The following ZNF571 variants were observed in gnomAD, a reference collection of about 807,000 sequenced individuals.
ZNF571 encodes the protein zinc finger protein 571.
A neutral mutation model predicts 7.7 loss-of-function variants in ZNF571; 4 were observed. The ratio of observed to expected loss-of-function variants is 0.52; its 90% CI spans 0.25 to 1.18. ZNF571 has a LOEUF of 1.18. ZNF571 is among the 50% of genes most tolerant of loss of function. The probability of loss-of-function intolerance (pLI) is 0.14; values close to 1 mark genes in which losing one functional copy is unlikely to be tolerated. For missense variants in ZNF571, 704 were observed against 726.9 expected, an observed-to-expected ratio of 0.97 and a Z score of 0.36; for synonymous variants, 251 against 232.4, an observed-to-expected ratio of 1.08 and a Z score of -0.73.
At position 37,565,905 on chromosome 19, in the gene ZNF571, T is replaced by TA; in HGVS notation, c.522dup (p.Thr175TyrfsTer3). The stretch of plus-strand genomic sequence containing the variant: ...ATATAGCTTGGCTTTTTGCTAAAGG[T>TA]ATTCCTGTGTTTCTTAACTTCAGAG... On this transcript the variant is annotated frameshift_variant, in exon 4 of 4. Transcript: ENST00000451802. LOFTEE classifies it low-confidence loss of function (END_TRUNC). 6 of 1,613,894 alleles carry TA rather than the reference T, an allele frequency of 3.7e-6. No individual in the cohort carries two copies. Among genetic ancestry groups the TA allele is most frequent in the Non-Finnish European group, 5.1e-6 (6 of 1,179,904 alleles).
rs116208546 is a variant in ZNF571, at chr19:37,564,828, G to A, written c.1600C>T (p.Gln534Ter). The change falls in exon 4 of 4, where the codon CAG (glutamine) becomes TAG (stop). Residue 534 changes from glutamine (Q) to a stop codon, truncating the protein, a stop_gained. Coordinates refer to ENST00000451802, the MANE Select transcript of ZNF571 (RefSeq NM_016536.5). LOFTEE classifies it low-confidence loss of function (END_TRUNC). ...CCACGAATAAAAGCCTTCCCACACTGTTTACATTCATAAGGTTTTTCACCT... is the reference window on the plus strand; with the variant it reads ...CCACGAATAAAAGCCTTCCCACACTATTTACATTCATAAGGTTTTTCACCT... ...HRGEKPYECK[Q>*]CGKAFIRGSH... The A allele has an allele frequency of 4.6e-3, 7,496 of 1,613,692 alleles. 68 individuals are homozygous for A. Among genetic ancestry groups the A allele is most frequent in the Non-Finnish European group, 3.6e-3 (4,295 of 1,179,848 alleles).
In ZNF571 at chr19:37,569,016, G is replaced by C. The variant is rs145593505; in HGVS notation, c.137-2725C>G. Among the ~76,000 whole-genome samples the C allele has an allele frequency of 2.7e-3, 407 of 151,612 alleles. No homozygotes were observed. Among genetic ancestry groups the C allele is most frequent in the African/African-American group, 9.6e-3 (396 of 41,284 alleles). On this transcript the variant is annotated intron_variant, in intron 3 of 3. Transcript: ENST00000451802. This position sits in a 1 kb window ranked among gnomAD's most constrained non-coding sequence, Gnocchi z 4.4. ...CTGTCATCCAGGCTGGAGTGCAGTCGTGCCATCTCAGCTCACTGCAACCTC... is the reference window on the plus strand; with the variant it reads ...CTGTCATCCAGGCTGGAGTGCAGTCCTGCCATCTCAGCTCACTGCAACCTC...
At chr19:37,573,668 C>A (rs1406292484) in intron 3 of ZNF571, among the ~76,000 whole-genome samples, 1,530 of 86,864 alleles carry the variant, frequency 0.018, no homozygotes, top group African/African-American at 0.022. Flanking sequence ...CTTGTGTCTA[C>A]AAAAAAAAAA....
At chr19:37,567,730 C>CT (rs1246646558) in intron 3 of ZNF571, 1 of 152,150 alleles carries the variant, frequency 6.6e-6, no homozygotes, top group East Asian at 1.9e-4. Context: ...TCCTGGATCA[C>CT]TTTAATTAGG....
chr19:37,568,300 TAAAAAC>T (rs771625063), intron 3 of ZNF571, among the ~76,000 whole-genome samples: 3 of 143,802 alleles, frequency 2.1e-5, no homozygotes, highest in Non-Finnish European at 3.0e-5. Context: ...AAAGAAATGA[TAAAAAC>T]AAAAGCAACT....
chr19:37,592,121 G>A (rs1270332568), intron 1 of ZNF571, among the ~76,000 whole-genome samples: 2 of 152,008 alleles, frequency 1.3e-5, no homozygotes, highest in Non-Finnish European at 2.9e-5. Context: ...AGCCAGGTGT[G>A]GTGGCACATG....
intron 3 of ZNF571, among the ~76,000 whole-genome samples, chr19:37,580,150 C>T (rs559070437): frequency 3.9e-5 from 6 of 152,270 alleles, no homozygotes; most frequent in African/African-American, 1.4e-4. Flanking sequence ...GACTAGCAAC[C>T]CTACATGGAG....
At chr19:37,591,698 C>T (rs2043872889) in intron 1 of ZNF571, among the ~76,000 whole-genome samples, 1 of 152,172 alleles carries the variant, frequency 6.6e-6, no homozygotes, top group South Asian at 2.1e-4. Flanking sequence ...GAATGTGCCA[C>T]CATGCCCAGC....
intron 2 of ZNF571, 151 bp downstream of exon 2, chr19:37,586,517 C>G (rs1281500838): frequency 1.3e-6 from 1 of 778,978 alleles, no homozygotes; most frequent in East Asian, 2.5e-5. Flanking sequence ...AAGAATTGGG[C>G]TCTTTGCTAC....
In ZNF571 at chr19:37,564,528, A is replaced by T. The variant is rs1452705058; in HGVS notation, c.*70T>A. The T allele has an allele frequency of 2.2e-6, 3 of 1,365,042 alleles. No individual in the cohort carries two copies. The highest frequency in any genetic ancestry group is 1.9e-6 in the Non-Finnish European group (2 of 1,037,008). The allele number at this position is 1,365,042 out of a possible 1,614,324, so 84.6% of individuals were successfully genotyped here. ...TGAGCAGATTCTGAGCAGAAGCAAG[A>T]TGTTCTACATTCATTATAGATATGA... On this transcript the variant is annotated 3_prime_UTR_variant, in exon 4 of 4. Coordinates refer to ENST00000451802, the MANE Select transcript of ZNF571 (RefSeq NM_016536.5).
At chr19:37,590,411 C>T (rs1211766669) in intron 1 of ZNF571, among the ~76,000 whole-genome samples, 3 of 146,330 alleles carry the variant, frequency 2.1e-5, no homozygotes, top group African/African-American at 4.9e-5. Flanking sequence ...AGTGAGGCTC[C>T]GTTTCAAAAA....
chr19:37,573,849 A>G (rs1429628660), intron 3 of ZNF571, among the ~76,000 whole-genome samples: 1 of 151,786 alleles, frequency 6.6e-6, no homozygotes, highest in Non-Finnish European at 1.5e-5. Flanking sequence ...AAAAAAAGAA[A>G]GAAAAAGAAA....
chr19:37,583,685 T>C (rs1164790732), intron 3 of ZNF571: 2 of 248,442 alleles, frequency 8.1e-6, no homozygotes, highest in Non-Finnish European at 1.6e-5. Context: ...GCTTAGGGAC[T>C]GCACATACAG....
intron 3 of ZNF571, among the ~76,000 whole-genome samples, chr19:37,571,154 C>G (rs1220125887): frequency 1.3e-5 from 2 of 152,072 alleles, no homozygotes; most frequent in African/African-American, 4.8e-5. Context: ...TATAGGAGCC[C>G]TAATAACTGC....
At chr19:37,589,200 C>CAAA (rs35689698) in intron 1 of ZNF571, among the ~76,000 whole-genome samples, 56 of 108,622 alleles carry the variant, frequency 5.2e-4, no homozygotes, top group Admixed American at 1.1e-3. Context: ...AACTCCGTCT[C>CAAA]AAAAAAAAAA....
intron 1 of ZNF571, among the ~76,000 whole-genome samples, chr19:37,592,793 T>A (rs1441137353): frequency 6.6e-6 from 1 of 152,192 alleles, no homozygotes; most frequent in African/African-American, 2.4e-5. Context: ...AAACAAATTA[T>A]AAGACAGTAC....
intron 2 of ZNF571, 128 bp downstream of exon 2, chr19:37,586,540 G>T: frequency 9.7e-7 from 1 of 1,025,662 alleles, no homozygotes; most frequent in Non-Finnish European, 1.5e-6. Context: ...TTACTCGCTA[G>T]AATGGGAGAC....
chr19:37,579,403 A>G (rs759393192), intron 3 of ZNF571, among the ~76,000 whole-genome samples: 1 of 152,166 alleles, frequency 6.6e-6, no homozygotes, highest in Non-Finnish European at 1.5e-5. Context: ...CACAACACCC[A>G]TTCACACAGG....
rs905430804 is a variant in ZNF571, at chr19:37,568,796, T to A, written c.137-2505A>T. On this transcript the variant is annotated intron_variant, in intron 3 of 3. Transcript: ENST00000451802. ...AAAAAAGGGAAAACTGCAAAAGGGG[T>A]GATGAGTGAAGACAACAAAATGGAG... Among the ~76,000 whole-genome samples the A allele has an allele frequency of 5.0e-4, 76 of 152,004 alleles. 2 individuals carry two copies. Among genetic ancestry groups the A allele is most frequent in the African/African-American group, 1.5e-3 (61 of 41,448 alleles).
Sources: gnomAD v4.1 joint callset for allele counts (sites outside exome capture counted in the v4.1 genomes callset) on GRCh38, gnomAD v4.1.1 for gene constraint, Gnocchi (gnomAD v3.1) non-coding constraint, MANE v1.5 for transcripts, NCBI Gene and HGNC (gene_info 2026-07-23, HGNC 2026-07-21) for gene names.